The following DLG4 variants were observed in gnomAD, a reference collection of about 807,000 sequenced individuals.
DLG4 encodes discs large MAGUK scaffold protein 4.
A neutral mutation model predicts 93.8 loss-of-function variants in DLG4; 7 were observed. That is an observed-to-expected ratio of 0.07 (90% CI 0.04 to 0.14). The LOEUF (loss-of-function observed/expected upper bound fraction) is 0.14, where lower values mean the gene tolerates loss of function less well. Among genes scored for constraint, DLG4 ranks in the 10% least tolerant of loss-of-function variants. The pLI is 1.00. For synonymous variants in DLG4, 341 were observed against 387.6 expected (o/e 0.88, Z 1.41); for missense variants, 545 against 992.9 (o/e 0.55, Z 6.06).
intron 1 of DLG4, among the ~76,000 whole-genome samples, chr17:7,216,299 G>A (rs961100697): frequency 6.6e-6 from 1 of 152,060 alleles, no homozygotes; most frequent in African/African-American, 2.4e-5. Context: ...TTGGGCACCT[G>A]CCTTTGGGCC....
At chr17:7,215,830 A>ACCCCCCCCCCC (rs2070886980) in intron 1 of DLG4, among the ~76,000 whole-genome samples, 1 of 140,684 alleles carries the variant, frequency 7.1e-6, no homozygotes, top group Non-Finnish European at 1.6e-5. Flanking sequence ...ACTAAATATA[A>ACCCCCCCCCCC]CCCCCTCCCC....
At chr17:7,218,516 G>C (rs1163188940), upstream of DLG4, 1 of 1,550,956 alleles carries the variant, frequency 6.4e-7, no homozygotes, top group Non-Finnish European at 8.7e-7. Context: ...GGAGGCCCAG[G>C]TCCCTCAGAA....
At chr17:7,219,452 CAGA>C (rs2071080874), upstream of DLG4, 1 of 1,028,290 alleles carries the variant, frequency 9.7e-7, no homozygotes, top group African/African-American at 1.7e-5. Flanking sequence ...GCCTACATCT[CAGA>C]AGAATACACT....
At chr17:7,212,502 G>A (rs773475897) in intron 1 of DLG4, among the ~76,000 whole-genome samples, 2 of 152,056 alleles carry the variant, frequency 1.3e-5, no homozygotes, top group Non-Finnish European at 2.9e-5. Flanking sequence ...GGGATCCCCT[G>A]TCCAAACCCC....
At chr17:7,212,737 T>TA (rs903892202) in intron 1 of DLG4, among the ~76,000 whole-genome samples, 26 of 148,952 alleles carry the variant, frequency 1.7e-4, no homozygotes, top group African/African-American at 3.9e-4. Context: ...ATCCCATCTC[T>TA]AAAAAAAAAA....
upstream of DLG4, chr17:7,219,502 A>C: frequency 9.4e-7 from 1 of 1,063,274 alleles, no homozygotes; most frequent in Non-Finnish European, 1.1e-6. Context: ...GCCCCCCACC[A>C]CTGTACCCTC....
rs898799693 is a variant in DLG4 at position 7,193,266 on chromosome 17, C to T, written c.1694-149G>A. On this transcript the variant is annotated intron_variant, in intron 16 of 19. Coordinates refer to ENST00000399506, the MANE Select transcript of DLG4 (RefSeq NM_001321075.3). This position sits in a 1 kb window ranked among gnomAD's most constrained non-coding sequence, Gnocchi z 6.7. ...AGACCAAGACTGCAGAGGGCCAGAA[C>T]CGCTTCCCCTAGCACCCTCCAGGGC... is the stretch of plus-strand genomic sequence containing the variant. 6 of 1,258,390 alleles carry T rather than the reference C, an allele frequency of 4.8e-6. No homozygotes were observed. The highest frequency in any genetic ancestry group is 1.9e-4 in the Middle Eastern group (1 of 5,186). 78.0% of individuals were successfully genotyped at this position (1,258,390 alleles called of 1,614,324 possible). A position where few individuals can be genotyped will look rare whatever the true frequency, so the allele number is the denominator to read the frequency against.
chr17:7,197,745 A>T (rs184683858), intron 8 of DLG4, among the ~76,000 whole-genome samples: 1 of 152,156 alleles, frequency 6.6e-6, no homozygotes, highest in Non-Finnish European at 1.5e-5. Flanking sequence ...TATGCCTCCC[A>T]AAGTGCTGGG....
chr17:7,219,198 G>T, upstream of DLG4: 1 of 351,850 alleles, frequency 2.8e-6, no homozygotes, highest in Non-Finnish European at 5.1e-6. Context: ...AAATTGTTTG[G>T]GACTTCCTGC....
Position 7,211,258 on chromosome 17 carries a change from C to T in DLG4, c.31-3019G>A, listed in dbSNP as rs575551804. Among the ~76,000 whole-genome samples the T allele has an allele frequency of 3.6e-3, 548 of 151,936 alleles. 3 individuals are homozygous for T. Among genetic ancestry groups the T allele is most frequent in the Non-Finnish European group, 5.7e-3 (390 of 67,956 alleles). On this transcript the variant is annotated intron_variant, in intron 1 of 19. Transcript: ENST00000399506. ...GACGGGAAAGGAGGACCCCCCCCAT[C>T]CTTTATCCTACTGGGACTCAGGGCC...
upstream of DLG4, chr17:7,219,416 G>A: frequency 7.9e-6 from 8 of 1,017,010 alleles, no homozygotes; most frequent in Non-Finnish European, 9.4e-6. Flanking sequence ...CTGTGAAACT[G>A]TAGCTGTTCC....
At chr17:7,205,299 G>C (rs1254273077) in intron 2 of DLG4, 3 of 524,216 alleles carry the variant, frequency 5.7e-6, no homozygotes, top group South Asian at 1.6e-4. Flanking sequence ...TCAATCGCCT[G>C]GTCTCTAGAC....
At chr17:7,211,101 G>C (rs530554572) in intron 1 of DLG4, among the ~76,000 whole-genome samples, 1,562 of 147,428 alleles carry the variant, frequency 0.011, 39 homozygotes, top group African/African-American at 0.037. Flanking sequence ...GTACATGTAG[G>C]GGGGCGGGGA....
intron 17 of DLG4, 128 bp downstream of exon 17, chr17:7,192,817 G>A (rs2069574438): frequency 1.9e-6 from 2 of 1,026,128 alleles, no homozygotes; most frequent in Middle Eastern, 3.1e-4. Flanking sequence ...GGAGAAGGAG[G>A]TGGAGGAGCG....
At chr17:7,209,294 T>C (rs961579463) in intron 1 of DLG4, among the ~76,000 whole-genome samples, 3 of 152,022 alleles carry the variant, frequency 2.0e-5, no homozygotes, top group Non-Finnish European at 4.4e-5. Flanking sequence ...AAAGGGCAGA[T>C]GGAGACAGCA....
At chr17:7,206,315 C>T (rs1044328348) in intron 2 of DLG4, among the ~76,000 whole-genome samples, 1 of 152,110 alleles carries the variant, frequency 6.6e-6, no homozygotes, top group Non-Finnish European at 1.5e-5. Context: ...CCTTCATACC[C>T]TCAAGATTAT....
At position 7,203,174 on chromosome 17, in the gene DLG4, G is replaced by A. The variant is rs2070246406; in HGVS notation, c.642+19C>T. 2 of 1,582,688 alleles carry A rather than the reference G, an allele frequency of 1.3e-6. No homozygotes were observed. Among genetic ancestry groups the A allele is most frequent in the African/African-American group, 1.3e-5 (1 of 74,622 alleles). On this transcript the variant is annotated intron_variant, in intron 7 of 19. Transcript: ENST00000399506. This position sits in a 1 kb window ranked among gnomAD's most constrained non-coding sequence, Gnocchi z 7.2. Reference sequence around the variant, plus strand: ...AGACCCAAATCTGGGCTAGAAAATGGGCTAGATGGAGTCCTCACCGCCAGG... The same window carrying A: ...AGACCCAAATCTGGGCTAGAAAATGAGCTAGATGGAGTCCTCACCGCCAGG...
chr17:7,204,948 C>A, intron 2 of DLG4: 1 of 985,574 alleles, frequency 1.0e-6, no homozygotes, highest in African/African-American at 1.7e-5. Flanking sequence ...AGACCCACCT[C>A]CAGGAGGCCC....
intron 1 of DLG4, chr17:7,211,692 G>A: frequency 4.1e-6 from 4 of 975,884 alleles, no homozygotes; most frequent in Non-Finnish European, 4.8e-6. Context: ...TCTGTTCCGA[G>A]CCGACATGGA....
Sources: gnomAD v4.1 joint callset for allele counts (sites outside exome capture counted in the v4.1 genomes callset) on GRCh38, gnomAD v4.1.1 for gene constraint, Gnocchi (gnomAD v3.1) non-coding constraint, MANE v1.5 for transcripts, NCBI Gene and HGNC (gene_info 2026-07-23, HGNC 2026-07-21) for gene names.